The following CPEB4 variants were observed in gnomAD, a reference collection of about 807,000 sequenced individuals.
CPEB4 encodes the protein cytoplasmic polyadenylation element binding protein 4, also known as cytoplasmic polyadenylation element-binding protein 4.
Under a neutral mutation model 72.5 loss-of-function variants are expected in CPEB4, and 12 were observed. The observed-to-expected ratio is 0.17, with a 90% confidence interval of 0.11 to 0.27. The LOEUF (loss-of-function observed/expected upper bound fraction) is 0.27, where lower values mean the gene tolerates loss of function less well. Among genes scored for constraint, CPEB4 ranks in the 10% least tolerant of loss-of-function variants. The probability of loss-of-function intolerance (pLI) is 1.00; values close to 1 mark genes in which losing one functional copy is unlikely to be tolerated. For synonymous variants in CPEB4, 302 were observed against 326.3 expected, an observed-to-expected ratio of 0.93 and a Z score of 0.80; for missense variants, 614 against 908.5, an observed-to-expected ratio of 0.68 and a Z score of 4.17.
chr5:173,950,104 C>T lies in CPEB4; in HGVS notation c.1665+26C>T. ...GTAAGTGTGGTTTAGCATAAAATAG[C>T]TTCTTGTTTTTGCCTCCATTCATCT... On this transcript the variant is annotated intron_variant, in intron 7 of 9. Coordinates refer to ENST00000265085, the MANE Select transcript of CPEB4 (RefSeq NM_030627.4). The surrounding 1 kb of genome is among the most constrained non-coding windows in gnomAD (Gnocchi z 5.0). 1 of 1,421,278 alleles carries T rather than the reference C, an allele frequency of 7.0e-7. No homozygotes were observed. Among genetic ancestry groups the T allele is most frequent in the Non-Finnish European group, 9.8e-7 (1 of 1,024,020 alleles). The allele number at this position is 1,421,278 out of a possible 1,614,324, so 88.0% of individuals were successfully genotyped here.
chr5:173,933,699 C>T (rs548806853), intron 3 of CPEB4, among the ~76,000 whole-genome samples: 196 of 152,284 alleles, frequency 1.3e-3, no homozygotes, highest in Non-Finnish European at 2.1e-3. Flanking sequence ...TAGTTCAAGT[C>T]AGTTCCAAGT....
At chr5:173,912,265 GA>G (rs1208103912) in intron 2 of CPEB4, among the ~76,000 whole-genome samples, 1 of 152,186 alleles carries the variant, frequency 6.6e-6, no homozygotes, top group Non-Finnish European at 1.5e-5. Context: ...TCAGAAAAAT[GA>G]AGAGTCTAAG....
chr5:173,910,027 T>C (rs1468083309), intron 1 of CPEB4, among the ~76,000 whole-genome samples: 1 of 151,832 alleles, frequency 6.6e-6, no homozygotes, highest in African/African-American at 2.4e-5. Flanking sequence ...TCTCATTTTT[T>C]TTTTTGTATG....
At position 173,955,696 on chromosome 5, in the gene CPEB4, A is replaced by G. The variant is rs1758357580; in HGVS notation, c.1963-214A>G. Among the ~76,000 whole-genome samples, 1 of 152,166 alleles carries G rather than the reference A, an allele frequency of 6.6e-6. No individual in the cohort carries two copies. The highest frequency in any genetic ancestry group is 2.4e-5 in the African/African-American group (1 of 41,438). The stretch of plus-strand genomic sequence containing the variant: ...ATCCTTTTTCCTTTAAAGGATGTTT[A>G]TTTAATAAGAAAAAAATGTAAAATG... On this transcript the variant is annotated intron_variant, in intron 9 of 9. Transcript: ENST00000265085. The surrounding 1 kb of genome is among the most constrained non-coding windows in gnomAD (Gnocchi z 4.7).
Position 173,960,810 on chromosome 5 carries a change from A to C in CPEB4, c.*4673A>C, listed in dbSNP as rs1758525383. 1 of 152,230 alleles carries C rather than the reference A, an allele frequency of 6.6e-6. No homozygotes were observed. The highest frequency in any genetic ancestry group is 6.5e-5 in the Admixed American group (1 of 15,276). 9.4% of individuals were successfully genotyped at this position (152,230 alleles called of 1,614,324 possible). A position where few individuals can be genotyped will look rare whatever the true frequency, so the allele number is the denominator to read the frequency against. ...CAGTTCCTCCATAGACCTTAATGTC[A>C]TAGGATACGGTGTGTGGGATTATAA... On this transcript the variant is annotated 3_prime_UTR_variant, in exon 10 of 10. Coordinates refer to ENST00000265085, the MANE Select transcript of CPEB4 (RefSeq NM_030627.4).
intron 7 of CPEB4, 124 bp from the exon 8 acceptor site, chr5:173,951,700 C>T: frequency 3.2e-6 from 2 of 621,868 alleles, no homozygotes; most frequent in Middle Eastern, 2.7e-4. Flanking sequence ...TCTAGTTTCC[C>T]AGCTTTATTG....
intron 1 of CPEB4, among the ~76,000 whole-genome samples, chr5:173,906,189 T>A (rs1416403011): frequency 6.6e-6 from 1 of 152,262 alleles, no homozygotes; most frequent in African/African-American, 2.4e-5. Context: ...CAAAGCACTC[T>A]TATTCTTTTG....
chr5:173,917,420 A>G (rs1327574430), intron 2 of CPEB4, among the ~76,000 whole-genome samples: 2 of 152,252 alleles, frequency 1.3e-5, no homozygotes, highest in Non-Finnish European at 2.9e-5. Context: ...TTAATGGGGC[A>G]GATTCAAAGT....
rs1758454537 is a variant in CPEB4 at position 173,958,750 on chromosome 5, G to C, written c.*2613G>C. ...AATTAAAATAACAAAATTGTCTACA[G>C]CTTCTTACTAAGTTTTTAAAATTAT... On this transcript the variant is annotated 3_prime_UTR_variant, in exon 10 of 10. Transcript: ENST00000265085. 6.6e-6 allele frequency: 1 copy of C among 152,548 alleles called. No homozygotes were observed. Among genetic ancestry groups the C allele is most frequent in the African/African-American group, 2.4e-5 (1 of 41,438 alleles). 9.4% of individuals were successfully genotyped at this position (152,548 alleles called of 1,614,324 possible).
intron 2 of CPEB4, among the ~76,000 whole-genome samples, chr5:173,921,871 A>G (rs1189647357): frequency 2.0e-5 from 3 of 152,244 alleles, no homozygotes; most frequent in Admixed American, 6.5e-5. Flanking sequence ...AGCATTAACC[A>G]GTTTCAAGTG....
chr5:173,898,447 A>C (rs1236367845), intron 1 of CPEB4, among the ~76,000 whole-genome samples: 9 of 152,172 alleles, frequency 5.9e-5, no homozygotes, highest in Non-Finnish European at 1.2e-4. Context: ...TTCATTAGCT[A>C]TGTGACCTAG....
chr5:173,918,420 A>C (rs1312656940), intron 2 of CPEB4, among the ~76,000 whole-genome samples: 1 of 152,126 alleles, frequency 6.6e-6, no homozygotes, highest in African/African-American at 2.4e-5. Flanking sequence ...GAGCTTACAA[A>C]GGTGTGGATT....
rs1003890897 is a variant in CPEB4, at chr5:173,907,575, A to G, written c.1126-2948A>G. Reference sequence around the variant, plus strand: ...CAGCTCTTTAGAGGGAAAGGGGGAAATATAAAGACAAATAAATCTTAAGGA... The same window carrying G: ...CAGCTCTTTAGAGGGAAAGGGGGAAGTATAAAGACAAATAAATCTTAAGGA... On this transcript the variant is annotated intron_variant, in intron 1 of 9. Coordinates refer to ENST00000265085, the MANE Select transcript of CPEB4 (RefSeq NM_030627.4). 7.9e-5 allele frequency among the ~76,000 whole-genome samples: 12 copies of G among 152,248 alleles called. No individual in the cohort carries two copies. In the East Asian group the frequency reaches 2.1e-3, roughly 27 times the overall value.
Position 173,932,029 on chromosome 5 carries a change from C to T in CPEB4, c.1208-421C>T, listed in dbSNP as rs138429702. On this transcript the variant is annotated intron_variant, in intron 2 of 9. Transcript: ENST00000265085. The stretch of plus-strand genomic sequence containing the variant: ...CCAAACCTGAAATTAAACCCATTAG[C>T]CTGTCTCTACATGTAGGCATAAGCC... 2.7e-3 allele frequency among the ~76,000 whole-genome samples: 418 copies of T among 152,252 alleles called. 2 individuals are homozygous for T. The highest frequency in any genetic ancestry group is 5.2e-3 in the Admixed American group (79 of 15,286).
At chr5:173,952,941 A>G (rs1425955972) in intron 8 of CPEB4, 150 bp from the exon 9 acceptor site, 4 of 644,768 alleles carry the variant, frequency 6.2e-6, no homozygotes, top group Non-Finnish European at 1.0e-5. Context: ...GCTTAACACA[A>G]TGGATGACTG....
intron 2 of CPEB4, among the ~76,000 whole-genome samples, chr5:173,929,175 G>A (rs1472019170): frequency 6.6e-6 from 1 of 152,196 alleles, no homozygotes; most frequent in African/African-American, 2.4e-5. Context: ...CAAGGGACAG[G>A]GAAAGTGTTA....
rs894559889 is a variant in CPEB4, at chr5:173,900,456, C to T, written c.1125+9598C>T. On this transcript the variant is annotated intron_variant, in intron 1 of 9. Coordinates refer to ENST00000265085, the MANE Select transcript of CPEB4 (RefSeq NM_030627.4). This position sits in a 1 kb window ranked among gnomAD's most constrained non-coding sequence, Gnocchi z 4.4. Reference sequence around the variant, plus strand: ...GGTGGACCCCTCTCCCTGCTGACGCCGGACCCTGCTCAGACCTAGCAGACA... The same window carrying T: ...GGTGGACCCCTCTCCCTGCTGACGCTGGACCCTGCTCAGACCTAGCAGACA... Among the ~76,000 whole-genome samples the T allele has an allele frequency of 2.0e-5, 3 of 152,046 alleles. No homozygotes were observed. The highest frequency in any genetic ancestry group is 1.9e-4 in the East Asian group (1 of 5,190).
chr5:173,941,603 C>T (rs1757843858), intron 3 of CPEB4, among the ~76,000 whole-genome samples: 1 of 152,020 alleles, frequency 6.6e-6, no homozygotes, highest in African/African-American at 2.4e-5. Flanking sequence ...ACTCAAAAAC[C>T]TATCCCAGGC....
chr5:173,920,419 C>A (rs1237516856), intron 2 of CPEB4, among the ~76,000 whole-genome samples: 1 of 152,222 alleles, frequency 6.6e-6, no homozygotes, highest in Admixed American at 6.5e-5. Context: ...AATCTAACTT[C>A]TGCTGGCTAT....
Sources: allele counts gnomAD v4.1 joint callset (sites outside exome capture counted in the v4.1 genomes callset), GRCh38; gene constraint gnomAD v4.1.1; non-coding constraint Gnocchi (gnomAD v3.1); transcripts MANE v1.5; gene names NCBI Gene and HGNC (gene_info 2026-07-23, HGNC 2026-07-21).